The following ZC3H12D variants were observed in gnomAD, a reference collection of about 807,000 sequenced individuals.
The protein encoded by ZC3H12D is probable ribonuclease ZC3H12D.
Under a neutral mutation model 24.2 loss-of-function variants are expected in ZC3H12D, and 11 were observed. That is an observed-to-expected ratio of 0.46 (90% CI 0.29 to 0.75). The LOEUF (loss-of-function observed/expected upper bound fraction) is 0.75, where lower values mean the gene tolerates loss of function less well. Among genes scored for constraint, ZC3H12D ranks in the 30% least tolerant of loss-of-function variants. The pLI, the probability that ZC3H12D is intolerant of heterozygous loss-of-function variation, is 0.11. For synonymous variants in ZC3H12D, 333 were observed against 341.8 expected (o/e 0.97, Z 0.28); for missense variants, 740 against 767.7 (o/e 0.96, Z 0.43).
At chr6:149,467,966 T>C (rs1776186312) in intron 2 of ZC3H12D, among the ~76,000 whole-genome samples, 1 of 152,134 alleles carries the variant, frequency 6.6e-6, no homozygotes, top group Admixed American at 6.5e-5. Flanking sequence ...AGACAGGAGC[T>C]GGGAGTTTTG....
intron 1 of ZC3H12D, among the ~76,000 whole-genome samples, chr6:149,475,716 A>AG (rs1461460917): frequency 2.0e-4 from 5 of 25,132 alleles, no homozygotes; most frequent in African/African-American, 1.2e-3. Flanking sequence ...ACTCCGTCTC[A>AG]AAAAAAAAAA....
intron 3 of ZC3H12D, chr6:149,459,724 T>C (rs766413465): frequency 2.5e-5 from 18 of 717,220 alleles, no homozygotes; most frequent in Admixed American, 1.8e-4. Context: ...AAGCCTCCCA[T>C]TGTGGCTGTT....
intron 3 of ZC3H12D, chr6:149,459,793 G>A (rs1002697438): frequency 1.2e-5 from 8 of 695,038 alleles, no homozygotes; most frequent in Non-Finnish European, 1.9e-5. Flanking sequence ...GGGCAGAGGC[G>A]CCAGGCTGCC....
intron 2 of ZC3H12D, among the ~76,000 whole-genome samples, chr6:149,469,074 G>A (rs2115009377): frequency 6.6e-6 from 1 of 152,276 alleles, no homozygotes; most frequent in East Asian, 1.9e-4. Flanking sequence ...TCCCCCCAAG[G>A]TTGTACTTTG....
In ZC3H12D at chr6:149,456,840, T is replaced by C. The variant is rs767420043; in HGVS notation, c.506A>G (p.Lys169Arg). The change falls in exon 4 of 6, where the codon AAG (lysine) becomes AGG (arginine). Residue 169 changes from lysine to arginine, a missense_variant. Lys to Arg is a conservative substitution (Grantham distance 26, BLOSUM62 2). Transcript: ENST00000409806. This position sits in a 1 kb window ranked among gnomAD's most constrained non-coding sequence, Gnocchi z 4.3. Reference protein sequence around the residue: ...QAVLVYTPSRKVHGKRLVCYD... With the variant: ...QAVLVYTPSRRVHGKRLVCYD... ...GCAGACCAGGCGCTTGCCGTGCACCTTGCGGGACGGCGTGTACACCAGCAC... is the reference window on the plus strand; with the variant it reads ...GCAGACCAGGCGCTTGCCGTGCACCCTGCGGGACGGCGTGTACACCAGCAC... 1.2e-6 allele frequency: 2 copies of C among 1,610,486 alleles called. No individual in the cohort carries two copies. The highest frequency in any genetic ancestry group is 1.7e-6 in the Non-Finnish European group (2 of 1,179,724).
rs1408984015 is a variant in ZC3H12D at position 149,481,091 on chromosome 6, C to CT, written c.-71+3721_-71+3722insA. On this transcript the variant is annotated intron_variant, in intron 1 of 5. Coordinates refer to ENST00000409806, the MANE Select transcript of ZC3H12D (RefSeq NM_207360.3). ...CCTGACAGGCCAGCCTCTCACTGAG[C>CT]CCAAAGGCTTCCAGTCAGGCTCTTC... Among the ~76,000 whole-genome samples the CT allele has an allele frequency of 4.6e-5, 3 of 65,782 alleles. No homozygotes were observed. The Admixed American group carries it at 4.9e-4, about 11-fold the overall frequency. The allele number at this position is 65,782 out of a possible 152,430, so 43.2% of individuals were successfully genotyped here.
At chr6:149,474,104 A>G (rs1776291237) in intron 2 of ZC3H12D, 135 bp downstream of exon 2, 5 of 653,360 alleles carry the variant, frequency 7.7e-6, no homozygotes, top group Non-Finnish European at 1.2e-5. Flanking sequence ...TTACTAAGAG[A>G]TGGTACAGGG....
intron 2 of ZC3H12D, among the ~76,000 whole-genome samples, chr6:149,471,020 G>A (rs752831110): frequency 3.9e-5 from 6 of 152,310 alleles, no homozygotes; most frequent in South Asian, 2.1e-4. Flanking sequence ...CCATAGGTCT[G>A]TTTACCAGGT....
chr6:149,470,254 G>A (rs1583190329), intron 2 of ZC3H12D, among the ~76,000 whole-genome samples: 1 of 152,136 alleles, frequency 6.6e-6, no homozygotes, highest in African/African-American at 2.4e-5. Context: ...CAGCTACTCG[G>A]GAGGCTGAGT....
In ZC3H12D at chr6:149,461,883, A is replaced by G; in HGVS notation, c.393T>C (p.Val131=). 3 of 1,598,118 alleles carry G rather than the reference A, an allele frequency of 1.9e-6. No individual in the cohort carries two copies. The highest frequency in any genetic ancestry group is 2.6e-6 in the Non-Finnish European group (3 of 1,172,234). Residue 131 remains valine (V), a synonymous_variant, in exon 3 of 6, where the codon GTT becomes GTC. Transcript: ENST00000409806. Reference sequence around the variant, plus strand: ...GGTCCTTCCTCCAGGATGGAACAAAAACTTTGATGTAGGTGTGTCCTCTGT... The same window carrying G: ...GGTCCTTCCTCCAGGATGGAACAAAGACTTTGATGTAGGTGTGTCCTCTGT... ...FRDRGHTYIK[V]FVPSWRKDPP...
chr6:149,463,961 A>G (rs1466488250), intron 2 of ZC3H12D, among the ~76,000 whole-genome samples: 1 of 152,176 alleles, frequency 6.6e-6, no homozygotes, highest in Non-Finnish European at 1.5e-5. Context: ...ACACATATTG[A>G]GCTGTTAACA....
At chr6:149,466,500 C>T (rs553339394) in intron 2 of ZC3H12D, among the ~76,000 whole-genome samples, 2 of 152,178 alleles carry the variant, frequency 1.3e-5, no homozygotes, top group East Asian at 1.9e-4. Context: ...ACGTCACCCC[C>T]GAGACACATG....
At chr6:149,461,383 TTTC>T (rs367824598) in intron 3 of ZC3H12D, among the ~76,000 whole-genome samples, 3,329 of 151,784 alleles carry the variant, frequency 0.022, 81 homozygotes, top group South Asian at 0.11. Flanking sequence ...GGGTCTCAGT[TTTC>T]TTCTTCTTTT....
intron 2 of ZC3H12D, among the ~76,000 whole-genome samples, chr6:149,473,418 T>C (rs192552056): frequency 1.3e-5 from 2 of 152,366 alleles, no homozygotes; most frequent in Admixed American, 1.3e-4. Context: ...CTCTGCCCTT[T>C]GCACGGTTGT....
At chr6:149,463,114 T>C (rs1381105468) in intron 2 of ZC3H12D, among the ~76,000 whole-genome samples, 1 of 152,218 alleles carries the variant, frequency 6.6e-6, no homozygotes, top group Non-Finnish European at 1.5e-5. Context: ...ACCCTCTCTT[T>C]AACTGAAGCT....
chr6:149,459,529 G>A lies in ZC3H12D; in HGVS notation c.445+2302C>T, dbSNP rs1776038725. 1.1e-5 allele frequency: 8 copies of A among 713,568 alleles called. No individual in the cohort carries two copies. The East Asian group carries it at 1.9e-4, about 17-fold the overall frequency. The allele number at this position is 713,568 out of a possible 1,614,324, so 44.2% of individuals were successfully genotyped here. ...TGCGCAGAAGGCTGGAGTGGAGGTG[G>A]GAGCCATTGCCCTGCAGTCTTGGAG... On this transcript the variant is annotated intron_variant, in intron 3 of 5. Coordinates refer to ENST00000409806, the MANE Select transcript of ZC3H12D (RefSeq NM_207360.3).
chr6:149,456,623 G>GGGGTGAGGCCC lies in ZC3H12D; in HGVS notation c.680+42_680+43insGGGCCTCACCC. The GGGGTGAGGCCC allele has an allele frequency of 1.3e-6, 1 of 744,580 alleles. No individual in the cohort carries two copies. Among genetic ancestry groups the GGGGTGAGGCCC allele is most frequent in the Non-Finnish European group, 2.2e-6 (1 of 456,102 alleles). The allele number at this position is 744,580 out of a possible 1,614,324, so 46.1% of individuals were successfully genotyped here. On this transcript the variant is annotated intron_variant, in intron 4 of 5. Transcript: ENST00000409806. The surrounding 1 kb of genome is among the most constrained non-coding windows in gnomAD (Gnocchi z 4.3). ...GCCACTGCCTCGACCCCGGCCCCCCGCCCCGCCGCCCCCCAGGGTGTCAGG... is the reference window on the plus strand; with the variant it reads ...GCCACTGCCTCGACCCCGGCCCCCCGGGGTGAGGCCCCCCCGCCGCCCCCCAGGGTGTCAGG...
In ZC3H12D at chr6:149,474,334, G is replaced by A; in HGVS notation, c.210C>T (p.Ala70=). 1 of 1,601,180 alleles carries A rather than the reference G, an allele frequency of 6.2e-7. No homozygotes were observed. Among genetic ancestry groups the A allele is most frequent in the South Asian group, 1.1e-5 (1 of 90,158 alleles). ...CCAGGGCTGTCCCCGGGCCACGCTGGGCAGAGTCCGGGACCCCACAGGAGC... is the reference window on the plus strand; with the variant it reads ...CCAGGGCTGTCCCCGGGCCACGCTGAGCAGAGTCCGGGACCCCACAGGAGC... ...PRGSCGVPDS[A]QRGPGTALEE... The change falls in exon 2 of 6, where the codon GCC becomes GCT. Residue 70 remains alanine (A), a synonymous_variant. Coordinates refer to ENST00000409806, the MANE Select transcript of ZC3H12D (RefSeq NM_207360.3).
chr6:149,465,536 C>T (rs952307582), intron 2 of ZC3H12D, among the ~76,000 whole-genome samples: 1 of 151,934 alleles, frequency 6.6e-6, no homozygotes, highest in African/African-American at 2.4e-5. Context: ...GAAAGGATCA[C>T]GAGGTCAGGA....
Sources: gnomAD v4.1 joint callset for allele counts (sites outside exome capture counted in the v4.1 genomes callset) on GRCh38, gnomAD v4.1.1 for gene constraint, Gnocchi (gnomAD v3.1) non-coding constraint, MANE v1.5 for transcripts, NCBI Gene and HGNC (gene_info 2026-07-23, HGNC 2026-07-21) for gene names.